SGCZ: variants seen among roughly 807,000 people sequenced by gnomAD.
SGCZ encodes zeta-sarcoglycan.
Under a neutral mutation model 41.3 loss-of-function variants are expected in SGCZ, and 40 were observed. That is an observed-to-expected ratio of 0.97 (90% CI 0.75 to 1.26). SGCZ has a LOEUF of 1.26. SGCZ is among the 50% of genes most tolerant of loss of function. The pLI is 0.00. For missense variants in SGCZ, 552 were observed against 369.8 expected, an observed-to-expected ratio of 1.49 and a Z score of -4.04; for synonymous variants, 206 against 137.5, an observed-to-expected ratio of 1.50 and a Z score of -3.49.
intron 4 of SGCZ, among the ~76,000 whole-genome samples, chr8:14,199,222 T>C (rs968404739): frequency 5.3e-5 from 8 of 152,200 alleles, no homozygotes; most frequent in Admixed American, 1.3e-4. Flanking sequence ...AGGGGAGGAC[T>C]CTGAAATGGC....
At chr8:14,564,352 T>G (rs1804294951) in intron 1 of SGCZ, among the ~76,000 whole-genome samples, 1 of 152,292 alleles carries the variant, frequency 6.6e-6, no homozygotes, top group African/African-American at 2.4e-5. Flanking sequence ...ATCAGTCATC[T>G]GTTGTTTATT....
intron 1 of SGCZ, among the ~76,000 whole-genome samples, chr8:15,157,672 C>T (rs530930822): frequency 6.6e-6 from 1 of 152,216 alleles, no homozygotes; most frequent in East Asian, 1.9e-4. Context: ...CAAAACAACA[C>T]ACTTACACTC....
chr8:15,104,771 A>G (rs1343874452), intron 1 of SGCZ, among the ~76,000 whole-genome samples: 1 of 152,222 alleles, frequency 6.6e-6, no homozygotes, highest in Non-Finnish European at 1.5e-5. Flanking sequence ...TGACTATGGA[A>G]CACTCCATAT....
intron 5 of SGCZ, among the ~76,000 whole-genome samples, chr8:14,142,980 A>C (rs1464670426): frequency 6.8e-6 from 1 of 146,530 alleles, no homozygotes; most frequent in Non-Finnish European, 1.5e-5. Context: ...GAGCCAATAA[A>C]ACGTTTTTCT....
chr8:14,529,349 C>T (rs117225291), intron 2 of SGCZ, among the ~76,000 whole-genome samples: 2,642 of 152,274 alleles, frequency 0.017, 25 homozygotes, highest in Non-Finnish European at 0.027. Flanking sequence ...TTCCTGCTGA[C>T]TACAATTTTA....
At position 14,627,161 on chromosome 8, in the gene SGCZ, A is replaced by C. The variant is rs1806490218; in HGVS notation, c.40-72235T>G. On this transcript the variant is annotated intron_variant, in intron 1 of 7. Transcript: ENST00000382080. ...TACTAGTAAAATATGTATTCTTTGA[A>C]AATTATTTATTTGGAAGTGTGCAAG... 2.6e-5 allele frequency among the ~76,000 whole-genome samples: 4 copies of C among 152,328 alleles called. 1 individual carries two copies. In the South Asian group the frequency reaches 8.3e-4, roughly 32 times the overall value.
At chr8:14,891,261 T>C (rs1805006455) in intron 1 of SGCZ, among the ~76,000 whole-genome samples, 2 of 152,150 alleles carry the variant, frequency 1.3e-5, no homozygotes, top group Admixed American at 6.6e-5. Flanking sequence ...CTGGAAAGGA[T>C]TTGCCATTCT....
intron 1 of SGCZ, among the ~76,000 whole-genome samples, chr8:14,739,197 G>A (rs1799131502): frequency 6.6e-6 from 1 of 151,910 alleles, no homozygotes; most frequent in African/African-American, 2.4e-5. Context: ...TGGAAAATAA[G>A]ATTTAAGAGT....
chr8:15,170,654 T>C (rs1799800711), intron 1 of SGCZ, among the ~76,000 whole-genome samples: 1 of 152,220 alleles, frequency 6.6e-6, no homozygotes, highest in East Asian at 1.9e-4. Context: ...AAACTTTCTA[T>C]GCACGCTCTT....
At chr8:15,214,643 G>C (rs1320667546) in intron 1 of SGCZ, among the ~76,000 whole-genome samples, 1 of 152,090 alleles carries the variant, frequency 6.6e-6, no homozygotes, top group African/African-American at 2.4e-5. Flanking sequence ...GCAGTTCCCT[G>C]AATCGTGGGG....
intron 1 of SGCZ, among the ~76,000 whole-genome samples, chr8:14,753,497 T>A (rs1483692407): frequency 2.0e-5 from 3 of 152,206 alleles, no homozygotes; most frequent in Non-Finnish European, 4.4e-5. Flanking sequence ...ATAAGCAACA[T>A]ACATTGCTGG....
At chr8:14,523,527 C>A (rs1171109050) in intron 2 of SGCZ, among the ~76,000 whole-genome samples, 1 of 151,982 alleles carries the variant, frequency 6.6e-6, no homozygotes, top group Non-Finnish European at 1.5e-5. Flanking sequence ...GGTGAGAAAT[C>A]TGTCATTCAT....
intron 1 of SGCZ, among the ~76,000 whole-genome samples, chr8:15,026,898 G>C (rs983979162): frequency 2.6e-5 from 4 of 152,144 alleles, no homozygotes; most frequent in African/African-American, 9.7e-5. Flanking sequence ...AACAGCATAA[G>C]TCCCTTCTGT....
At chr8:14,503,705 T>C (rs1046072834) in intron 2 of SGCZ, among the ~76,000 whole-genome samples, 5 of 150,898 alleles carry the variant, frequency 3.3e-5, no homozygotes, top group East Asian at 2.0e-4. Context: ...GAGGTGGAGG[T>C]TGCAGTGAGC....
chr8:14,443,623 A>C (rs76779073), intron 2 of SGCZ, among the ~76,000 whole-genome samples: 26,877 of 152,142 alleles, frequency 0.18, 2,627 homozygotes, highest in African/African-American at 0.27. Context: ...GAAAGCTGAA[A>C]CTGGATCCCT....
intron 1 of SGCZ, among the ~76,000 whole-genome samples, chr8:14,750,642 C>G (rs949130923): frequency 1.3e-5 from 2 of 151,976 alleles, no homozygotes; most frequent in African/African-American, 4.8e-5. Flanking sequence ...TGAAAGAAGA[C>G]AGGCAATTCA....
chr8:14,743,925 A>T (rs555843926), intron 1 of SGCZ, among the ~76,000 whole-genome samples: 3 of 152,208 alleles, frequency 2.0e-5, no homozygotes, highest in Admixed American at 6.5e-5. Flanking sequence ...TATTCTGGGG[A>T]TCCGAAAGGA....
chr8:14,450,270 G>A (rs1472659578), intron 2 of SGCZ, among the ~76,000 whole-genome samples: 4 of 152,242 alleles, frequency 2.6e-5, no homozygotes, highest in African/African-American at 7.2e-5. Context: ...ACCAAGCATC[G>A]TGATTCTTTC....
intron 2 of SGCZ, among the ~76,000 whole-genome samples, chr8:14,445,481 G>A (rs76562351): frequency 0.039 from 5,993 of 152,114 alleles, 179 homozygotes; most frequent in African/African-American, 0.078. Flanking sequence ...TTGAGGAAGT[G>A]GTGACTGGAC....
Sources: gnomAD v4.1 joint callset for allele counts (sites outside exome capture counted in the v4.1 genomes callset) on GRCh38, gnomAD v4.1.1 for gene constraint, MANE v1.5 for transcripts, NCBI Gene and HGNC (gene_info 2026-07-23, HGNC 2026-07-21) for gene names.